DCAF6: variants seen among roughly 807,000 people sequenced by gnomAD.
The protein encoded by DCAF6 is DDB1 and CUL4 associated factor 6.
A neutral mutation model predicts 125.1 loss-of-function variants in DCAF6; 54 were observed. That is an observed-to-expected ratio of 0.43 (90% confidence interval 0.35 to 0.54). The LOEUF is 0.54. Among genes scored for constraint, DCAF6 ranks in the 20% least tolerant of loss-of-function variants. The pLI is 0.01. For missense variants in DCAF6, 934 were observed against 1,161.7 expected (o/e 0.80, Z 2.85); for synonymous variants, 371 against 390.4 (o/e 0.95, Z 0.58).
At chr1:168,071,590 C>T (rs757179631) in intron 21 of DCAF6, among the ~76,000 whole-genome samples, 3 of 152,106 alleles carry the variant, frequency 2.0e-5, no homozygotes, top group Non-Finnish European at 2.9e-5. Flanking sequence ...GCCAAAATTG[C>T]GCCACTACAC....
chr1:167,964,929 C>T (rs1288490366), intron 2 of DCAF6, among the ~76,000 whole-genome samples: 1 of 152,162 alleles, frequency 6.6e-6, no homozygotes, highest in Non-Finnish European at 1.5e-5. Flanking sequence ...TGACATTGCC[C>T]ATCTCTTCTT....
intron 21 of DCAF6, among the ~76,000 whole-genome samples, chr1:168,072,321 A>C (rs867490005): frequency 6.8e-6 from 1 of 146,286 alleles, no homozygotes. Flanking sequence ...AAAAAAAAAA[A>C]AAAAGAAAAG....
the DCAF6 span, chr1:167,904,047 A>G: frequency 8.8e-7 from 1 of 1,135,164 alleles, no homozygotes. Flanking sequence ...AAACAGAGCC[A>G]GAAGAGGACT....
At chr1:167,909,754 T>G in the DCAF6 span, among the ~76,000 whole-genome samples, 1 of 152,200 alleles carries the variant, frequency 6.6e-6, no homozygotes. Context: ...ACAGTTCAGT[T>G]GCTACATATC....
chr1:167,913,248 G>A, the DCAF6 span, among the ~76,000 whole-genome samples: 2 of 152,208 alleles, frequency 1.3e-5, no homozygotes, highest in African/African-American at 2.4e-5. Context: ...TGAATGCGGA[G>A]TGTGAGTAAA....
chr1:167,864,868 CTG>C, the DCAF6 span, among the ~76,000 whole-genome samples: 1 of 145,700 alleles, frequency 6.9e-6, no homozygotes, highest in Non-Finnish European at 1.5e-5. Flanking sequence ...TGCATTCAAT[CTG>C]TAGCAGCAGC....
intron 17 of DCAF6, among the ~76,000 whole-genome samples, chr1:168,059,068 A>G (rs1351682810): frequency 6.6e-6 from 1 of 151,992 alleles, no homozygotes; most frequent in Admixed American, 6.6e-5. Flanking sequence ...ATTAAATTTT[A>G]TCAATCTTTT....
chr1:167,951,738 CTG>C, intron 1 of DCAF6, 60 bp from the exon 2 acceptor site: 5 of 1,091,816 alleles, frequency 4.6e-6, no homozygotes, highest in Non-Finnish European at 6.9e-6. Context: ...CTCCTAATTT[CTG>C]TGTTATATTT....
chr1:168,032,018 A>T (rs1420271420), intron 12 of DCAF6, among the ~76,000 whole-genome samples: 1 of 152,238 alleles, frequency 6.6e-6, no homozygotes, highest in Non-Finnish European at 1.5e-5. Flanking sequence ...TATCGAAATC[A>T]CATATTTAAG....
At chr1:168,074,653 G>T (rs1375081214) in intron 21 of DCAF6, among the ~76,000 whole-genome samples, 1 of 152,144 alleles carries the variant, frequency 6.6e-6, no homozygotes, top group Non-Finnish European at 1.5e-5. Context: ...ATTCTAGAAT[G>T]TGGAGGAGGG....
chr1:167,950,453 G>A (rs550417213), intron 1 of DCAF6, among the ~76,000 whole-genome samples: 279 of 152,180 alleles, frequency 1.8e-3, no homozygotes, highest in African/African-American at 6.1e-3. Flanking sequence ...AGAAACCATA[G>A]AGCATCTCCC....
At chr1:167,987,421 A>G in intron 4 of DCAF6, 74 bp from the exon 5 acceptor site, 1 of 750,584 alleles carries the variant, frequency 1.3e-6, no homozygotes, top group Non-Finnish European at 2.3e-6. Context: ...ATTTTATGAA[A>G]TAGTAGGAAT....
intron 2 of DCAF6, among the ~76,000 whole-genome samples, chr1:167,962,398 TGGGAAACTATGTTGTCTTG>T (rs1675748001): frequency 6.6e-6 from 1 of 152,142 alleles, no homozygotes; most frequent in Non-Finnish European, 1.5e-5. Flanking sequence ...TGTTAGGGAT[TGGGAAACTATGTTGTCTTG>T]GGGAAACTGA....
At chr1:168,017,219 C>A (rs1487843351) in intron 11 of DCAF6, among the ~76,000 whole-genome samples, 3 of 149,064 alleles carry the variant, frequency 2.0e-5, no homozygotes, top group African/African-American at 4.9e-5. Context: ...AATAATAAAA[C>A]ATTTTTGTTT....
At chr1:167,933,913 G>T (rs551558188), upstream of DCAF6, among the ~76,000 whole-genome samples, 19 of 152,248 alleles carry the variant, frequency 1.2e-4, no homozygotes, top group African/African-American at 4.6e-4. Flanking sequence ...ATGTTTTAGA[G>T]ACATTAGATC....
At chr1:167,953,794 T>G (rs1413439085) in intron 2 of DCAF6, among the ~76,000 whole-genome samples, 1 of 152,144 alleles carries the variant, frequency 6.6e-6, no homozygotes, top group South Asian at 2.1e-4. Flanking sequence ...AGACTGAGTT[T>G]CACCATGTTG....
the DCAF6 span, among the ~76,000 whole-genome samples, chr1:167,877,858 C>T: frequency 9.9e-5 from 15 of 152,232 alleles, no homozygotes; most frequent in South Asian, 3.1e-3. Context: ...TGAGGACAAT[C>T]TACTTAAACA....
At chr1:167,943,710 A>C (rs1006536173) in intron 1 of DCAF6, among the ~76,000 whole-genome samples, 1 of 152,170 alleles carries the variant, frequency 6.6e-6, no homozygotes, top group African/African-American at 2.4e-5. Context: ...TCCACTCTGC[A>C]TCTGTGTGAA....
chr1:167,996,674 T>G (rs1681752983), intron 7 of DCAF6, among the ~76,000 whole-genome samples: 1 of 152,184 alleles, frequency 6.6e-6, no homozygotes, highest in Admixed American at 6.5e-5. Context: ...CTTCAAGATC[T>G]TATATTATCT....
Sources: gnomAD v4.1 joint callset for allele counts (sites outside exome capture counted in the v4.1 genomes callset) on GRCh38, gnomAD v4.1.1 for gene constraint, MANE v1.5 for transcripts, NCBI Gene and HGNC (gene_info 2026-07-23, HGNC 2026-07-21) for gene names.